CYTH1: variants seen among roughly 807,000 people sequenced by gnomAD.
CYTH1 encodes the protein cytohesin 1, also known as cytohesin-1.
Under a neutral mutation model 61.8 loss-of-function variants are expected in CYTH1, and 18 were observed. The observed-to-expected ratio is 0.29, with a 90% CI of 0.20 to 0.43. The LOEUF (loss-of-function observed/expected upper bound fraction) is 0.43, where lower values mean the gene tolerates loss of function less well. CYTH1 is among the 20% of genes least tolerant of loss of function. The pLI is 1.00. For synonymous variants in CYTH1, 174 were observed against 184.3 expected, an observed-to-expected ratio of 0.94 and a Z score of 0.45; for missense variants, 336 against 510.5, an observed-to-expected ratio of 0.66 and a Z score of 3.29.
At chr17:78,758,150 A>G (rs1229097068) in intron 1 of CYTH1, among the ~76,000 whole-genome samples, 1 of 152,196 alleles carries the variant, frequency 6.6e-6, no homozygotes, top group Non-Finnish European at 1.5e-5. Context: ...ATCCACAAGA[A>G]TGTTACAGGA....
At chr17:78,726,041 T>C (rs1229092412) in intron 1 of CYTH1, among the ~76,000 whole-genome samples, 2 of 146,716 alleles carry the variant, frequency 1.4e-5, no homozygotes, top group African/African-American at 5.2e-5. Flanking sequence ...AATTCAACAG[T>C]CTTTTTTTTT....
chr17:78,708,856 G>A (rs531287416), intron 2 of CYTH1: 1 of 152,834 alleles, frequency 6.5e-6, no homozygotes, highest in Admixed American at 6.5e-5. Context: ...TACCAGTGAA[G>A]CAGAAATCAA....
At chr17:78,712,776 G>T (rs1318049963) in intron 1 of CYTH1, among the ~76,000 whole-genome samples, 1 of 152,058 alleles carries the variant, frequency 6.6e-6, no homozygotes, top group Non-Finnish European at 1.5e-5. Context: ...TTCCTTTAGA[G>T]GCTGGAAGAG....
At chr17:78,767,608 T>C (rs770158792) in intron 1 of CYTH1, among the ~76,000 whole-genome samples, 6 of 152,058 alleles carry the variant, frequency 3.9e-5, no homozygotes, top group South Asian at 2.1e-4. Context: ...GATGGTTGAA[T>C]AGATGAACAA....
intron 1 of CYTH1, among the ~76,000 whole-genome samples, chr17:78,736,256 T>C (rs16971669): frequency 0.053 from 8,112 of 152,264 alleles, 393 homozygotes; most frequent in South Asian, 0.15. Flanking sequence ...CCAACTGTTA[T>C]TTTGATACAG....
At chr17:78,706,424 T>A (rs1015441920) in intron 3 of CYTH1, among the ~76,000 whole-genome samples, 8 of 152,162 alleles carry the variant, frequency 5.3e-5, no homozygotes, top group African/African-American at 1.7e-4. Flanking sequence ...TTTCTTTCAC[T>A]CATCACAATG....
At chr17:78,699,144 A>C (rs1349902339) in intron 7 of CYTH1, among the ~76,000 whole-genome samples, 176 bp from the exon 8 acceptor site, 6 of 152,182 alleles carry the variant, frequency 3.9e-5, no homozygotes, top group Admixed American at 2.0e-4. Context: ...AGGCAGGCAG[A>C]TCATGAGGTC....
intron 1 of CYTH1, among the ~76,000 whole-genome samples, chr17:78,772,080 T>C (rs541392524): frequency 5.3e-5 from 8 of 152,272 alleles, no homozygotes; most frequent in Middle Eastern, 3.4e-3. Context: ...TGAAACTAAA[T>C]TGCAACAATA....
chr17:78,698,521 C>A (rs1299335802), intron 8 of CYTH1, 141 bp from the exon 9 acceptor site: 2 of 721,586 alleles, frequency 2.8e-6, no homozygotes, highest in Non-Finnish European at 2.3e-6. Flanking sequence ...AGATTATGAC[C>A]ATTTCTGCTT....
chr17:78,702,100 C>A (rs201695858), intron 5 of CYTH1, 22 bp downstream of exon 5: 54 of 1,553,238 alleles, frequency 3.5e-5, no homozygotes, highest in Non-Finnish European at 6.2e-6. Context: ...CCCTAGCATG[C>A]GCATAATCCC....
chr17:78,697,599 AG>A (rs201264630), intron 9 of CYTH1, among the ~76,000 whole-genome samples: 1 of 149,154 alleles, frequency 6.7e-6, no homozygotes, highest in Non-Finnish European at 1.5e-5. Context: ...ATTGAAAAGG[AG>A]GGGAAAAAAA....
intron 1 of CYTH1, among the ~76,000 whole-genome samples, chr17:78,730,369 C>CAAAAAAAAA (rs56790957): frequency 5.2e-5 from 5 of 95,324 alleles, no homozygotes; most frequent in East Asian, 3.3e-4. Context: ...ACTAAAAATA[C>CAAAAAAAAA]AAAAAAAAAA....
intron 1 of CYTH1, among the ~76,000 whole-genome samples, chr17:78,769,905 A>C: frequency 6.6e-6 from 1 of 151,978 alleles, no homozygotes; most frequent in Non-Finnish European, 1.5e-5. Flanking sequence ...TAATCCCAGC[A>C]CTTTGGGAGG....
At chr17:78,747,166 A>AG (rs2093362791) in intron 1 of CYTH1, among the ~76,000 whole-genome samples, 1 of 150,964 alleles carries the variant, frequency 6.6e-6, no homozygotes, top group East Asian at 1.9e-4. Context: ...AAAAAAAAAA[A>AG]AAAAGAAAAA....
At chr17:78,735,962 GGCACA>G (rs893179927) in intron 1 of CYTH1, among the ~76,000 whole-genome samples, 12 of 152,144 alleles carry the variant, frequency 7.9e-5, no homozygotes, top group African/African-American at 2.9e-4. Flanking sequence ...GGATTTAGAA[GGCACA>G]GCTTGTCATC....
At chr17:78,701,316 C>T (rs2093006681) in intron 6 of CYTH1, among the ~76,000 whole-genome samples, 1 of 152,168 alleles carries the variant, frequency 6.6e-6, no homozygotes, top group Non-Finnish European at 1.5e-5. Flanking sequence ...TTAAGGTTTA[C>T]TTTTTTCTTT....
At chr17:78,719,649 C>T (rs564442482) in intron 1 of CYTH1, among the ~76,000 whole-genome samples, 29 of 152,072 alleles carry the variant, frequency 1.9e-4, no homozygotes, top group Middle Eastern at 3.4e-3. Flanking sequence ...TAAAATGTAA[C>T]GGAAGAGAGA....
intron 3 of CYTH1, among the ~76,000 whole-genome samples, chr17:78,703,579 TAC>T (rs1018777713): frequency 8.5e-5 from 13 of 152,206 alleles, no homozygotes; most frequent in Admixed American, 3.9e-4. Context: ...CACACCTTTT[TAC>T]AGTTAATCCT....
chr17:78,745,820 A>G (rs1017865103), intron 1 of CYTH1, among the ~76,000 whole-genome samples: 2 of 152,204 alleles, frequency 1.3e-5, no homozygotes, highest in Non-Finnish European at 2.9e-5. Context: ...TCAATCCAGG[A>G]GGCAGAGGTT....
Sources: gnomAD v4.1 joint callset for allele counts (sites outside exome capture counted in the v4.1 genomes callset) on GRCh38, gnomAD v4.1.1 for gene constraint, MANE v1.5 for transcripts, NCBI Gene and HGNC (gene_info 2026-07-23, HGNC 2026-07-21) for gene names.